Variants in PLEKHH2 observed in about 807,000 individuals in gnomAD.
PLEKHH2 encodes pleckstrin homology domain-containing family H member 2.
Under a neutral mutation model 187.9 loss-of-function variants are expected in PLEKHH2, and 129 were observed. The observed-to-expected ratio is 0.69, with a 90% CI of 0.59 to 0.79. The LOEUF is 0.79. PLEKHH2 is among the 30% of genes least tolerant of loss of function. The probability of loss-of-function intolerance (pLI) is 0.00; values close to 1 mark genes in which losing one functional copy is unlikely to be tolerated. For missense variants in PLEKHH2, 2,076 were observed against 1,751.2 expected, an observed-to-expected ratio of 1.19 and a Z score of -3.31; for synonymous variants, 686 against 605.6, an observed-to-expected ratio of 1.13 and a Z score of -1.95.
chr2:43,644,618 G>A, intron 1 of PLEKHH2, 53 bp from the exon 2 acceptor site: 1 of 1,333,582 alleles, frequency 7.5e-7, no homozygotes, highest in Non-Finnish European at 1.0e-6. Flanking sequence ...TTGTGTTGTA[G>A]CATTTGAATG....
intron 4 of PLEKHH2, among the ~76,000 whole-genome samples, chr2:43,693,936 G>A (rs1386113471): frequency 2.6e-5 from 4 of 151,956 alleles, no homozygotes; most frequent in South Asian, 2.1e-4. Flanking sequence ...TGCCTATTGC[G>A]ATTTATTTGG....
intron 8 of PLEKHH2, among the ~76,000 whole-genome samples, chr2:43,702,911 C>T (rs1669453901): frequency 6.6e-6 from 1 of 152,094 alleles, no homozygotes; most frequent in African/African-American, 2.4e-5. Context: ...GGCCTCCAGT[C>T]CCCTCTCTCT....
intron 1 of PLEKHH2, among the ~76,000 whole-genome samples, chr2:43,639,816 C>G (rs921221285): frequency 6.6e-6 from 1 of 152,032 alleles, no homozygotes; most frequent in African/African-American, 2.4e-5. Flanking sequence ...ACCACCATGC[C>G]TGGCTAATTT....
At position 43,729,735 on chromosome 2, in the gene PLEKHH2, C is replaced by T. The variant is rs199668615; in HGVS notation, c.2820C>T (p.Asp940=). The change falls in exon 18 of 30, where the codon GAC becomes GAT. Residue 940 remains aspartate (D), a synonymous_variant. Transcript: ENST00000282406. ...EQLVCKLLNI[D]GEPSSQIWRH... ...TGGTTTGCAAATTGCTAAATATAGA[C>T]GGGGAGCCTTGTAAGTTCATAAACA... The T allele has an allele frequency of 2.8e-5, 45 of 1,594,346 alleles. No individual in the cohort carries two copies. The East Asian group carries it at 5.4e-4, about 19-fold the overall frequency.
intron 2 of PLEKHH2, among the ~76,000 whole-genome samples, chr2:43,677,766 T>G (rs1231734414): frequency 8.1e-6 from 1 of 123,372 alleles, no homozygotes; most frequent in Non-Finnish European, 1.7e-5. Flanking sequence ...CACTTCCCAG[T>G]AGGGGTGGCT....
chr2:43,741,136 C>T, intron 21 of PLEKHH2, 93 bp downstream of exon 21: 3 of 1,137,370 alleles, frequency 2.6e-6, no homozygotes, highest in Non-Finnish European at 3.7e-6. Flanking sequence ...GGTACATTTT[C>T]AGAAGAATGT....
intron 9 of PLEKHH2, among the ~76,000 whole-genome samples, chr2:43,705,365 C>T (rs1384483976): frequency 1.4e-5 from 2 of 146,470 alleles, no homozygotes; most frequent in African/African-American, 5.1e-5. Context: ...AAGCGATCCT[C>T]CTGCCTCAGC....
At chr2:43,756,149 A>T (rs1472076122) in intron 25 of PLEKHH2, among the ~76,000 whole-genome samples, 1 of 152,068 alleles carries the variant, frequency 6.6e-6, no homozygotes, top group Non-Finnish European at 1.5e-5. Flanking sequence ...GAAGGACTCT[A>T]TTCCCGGGAT....
chr2:43,710,049 T>C lies in PLEKHH2; in HGVS notation c.2026T>C (p.Ser676Pro). The C allele has an allele frequency of 6.2e-7, 1 of 1,613,424 alleles. No homozygotes were observed. Among genetic ancestry groups the C allele is most frequent in the Non-Finnish European group, 8.5e-7 (1 of 1,179,392 alleles). Residue 676 changes from serine to proline, a missense_variant, in exon 12 of 30, where the codon TCC becomes CCC. Transcript: ENST00000282406. ...TTATGCTATTCCTCCTGATGCTTACTCCACAGACACGGAGTACTCACAGCC... is the reference window on the plus strand; with the variant it reads ...TTATGCTATTCCTCCTGATGCTTACCCCACAGACACGGAGTACTCACAGCC... ...SDYAIPPDAY[S>P]TDTEYSQPEQ...
chr2:43,685,974 G>A (rs1163156983), intron 3 of PLEKHH2, among the ~76,000 whole-genome samples: 1 of 152,096 alleles, frequency 6.6e-6, no homozygotes, highest in African/African-American at 2.4e-5. Flanking sequence ...AAAAGTATGT[G>A]TCTTTTTATT....
chr2:43,760,174 T>G (rs1672365842), intron 27 of PLEKHH2, among the ~76,000 whole-genome samples: 1 of 152,132 alleles, frequency 6.6e-6, no homozygotes, highest in Admixed American at 6.6e-5. Flanking sequence ...CCTTTTCTGT[T>G]CTGATAAAAT....
rs878931476 is a variant in PLEKHH2 at position 43,753,702 on chromosome 2, A to G, written c.3737A>G (p.Asn1246Ser). The G allele has an allele frequency of 1.3e-6, 2 of 1,587,494 alleles. No homozygotes were observed. The highest frequency in any genetic ancestry group is 1.4e-5 in the African/African-American group (1 of 73,554). The stretch of plus-strand genomic sequence containing the variant: ...TATCAGACAAATGATCAAATCATAA[A>G]TGGACTTTTTCCTCTGAACAAAGAT... ...LMYQTNDQII[N>S]GLFPLNKDLA... Residue 1246 changes from asparagine (N) to serine (S), a missense_variant, in exon 25 of 30, where the codon AAT becomes AGT. Coordinates refer to ENST00000282406, the MANE Select transcript of PLEKHH2 (RefSeq NM_172069.4).
At chr2:43,756,605 A>G (rs1490284205) in intron 25 of PLEKHH2, among the ~76,000 whole-genome samples, 2 of 152,362 alleles carry the variant, frequency 1.3e-5, no homozygotes, top group East Asian at 3.9e-4. Flanking sequence ...AGGAAGGTTA[A>G]TGTAGAAATG....
intron 3 of PLEKHH2, among the ~76,000 whole-genome samples, chr2:43,686,281 C>G (rs1668502155): frequency 6.6e-6 from 1 of 152,190 alleles, no homozygotes; most frequent in African/African-American, 2.4e-5. Context: ...ACCGCAGCCT[C>G]TGCCTCCCGG....
At chr2:43,645,360 T>G (rs1371924195) in intron 2 of PLEKHH2, among the ~76,000 whole-genome samples, 2 of 152,168 alleles carry the variant, frequency 1.3e-5, no homozygotes, top group Non-Finnish European at 2.9e-5. Context: ...TGTTCATTTA[T>G]TCATTCAACA....
chr2:43,681,564 C>T, intron 3 of PLEKHH2: 1 of 1,151,270 alleles, frequency 8.7e-7, no homozygotes, highest in East Asian at 2.6e-5. Flanking sequence ...TTCTGTGGGC[C>T]CGCACCTTCG....
At chr2:43,708,869 T>G (rs902688368) in intron 11 of PLEKHH2, among the ~76,000 whole-genome samples, 1 of 152,220 alleles carries the variant, frequency 6.6e-6, no homozygotes, top group Non-Finnish European at 1.5e-5. Context: ...TTTTGTTTAT[T>G]CTATGAAAAA....
At chr2:43,729,012 T>C (rs998439645) in intron 17 of PLEKHH2, among the ~76,000 whole-genome samples, 1 of 152,214 alleles carries the variant, frequency 6.6e-6, no homozygotes, top group Non-Finnish European at 1.5e-5. Context: ...AATAAGAAAT[T>C]GATTAAATAA....
At chr2:43,704,102 T>C (rs759151414) in intron 9 of PLEKHH2, 46 bp downstream of exon 9, 1 of 1,303,060 alleles carries the variant, frequency 7.7e-7, no homozygotes, top group African/African-American at 1.5e-5. Context: ...TTGAGGACTT[T>C]GTGCTAAGGG....
Sources: gnomAD v4.1 joint callset for allele counts (sites outside exome capture counted in the v4.1 genomes callset) on GRCh38, gnomAD v4.1.1 for gene constraint, MANE v1.5 for transcripts, NCBI Gene and HGNC (gene_info 2026-07-23, HGNC 2026-07-21) for gene names.